DOC2B: variants seen among roughly 807,000 people sequenced by gnomAD.
The protein encoded by DOC2B is double C2 domain beta.
A neutral mutation model predicts 28.9 loss-of-function variants in DOC2B; 21 were observed. The ratio of observed to expected loss-of-function variants is 0.73; its 90% confidence interval spans 0.52 to 1.05. DOC2B has a LOEUF of 1.05. Among genes scored for constraint, DOC2B ranks in the 50% least tolerant of loss-of-function variants. DOC2B has a pLI of 0.00. For synonymous variants in DOC2B, 194 were observed against 178.1 expected (o/e 1.09, Z -0.71); for missense variants, 384 against 421.1 (o/e 0.91, Z 0.77).
intron 6 of DOC2B, among the ~76,000 whole-genome samples, chr17:149,899 G>A (rs1405932902): frequency 6.6e-6 from 1 of 152,218 alleles, no homozygotes. Context: ...GTAGCCTTTA[G>A]TAGACTCCCA....
rs148913019 is a variant in DOC2B at position 179,129 on chromosome 17, C to T, written c.373+1978G>A. ...CCGTCCTCCTTAGCTCCTCTGAGCC[C>T]GTCTTCAGCATTTCTTTGGCATGTC... On this transcript the variant is annotated intron_variant, in intron 1 of 8. Coordinates refer to ENST00000613549, the MANE Select transcript of DOC2B (RefSeq NM_003585.5). Among the ~76,000 whole-genome samples the T allele has an allele frequency of 2.6e-3, 402 of 152,334 alleles. 1 individual carries two copies. The highest frequency in any genetic ancestry group is 8.9e-3 in the African/African-American group (369 of 41,574).
Position 181,312 on chromosome 17 carries a change from C to A in DOC2B, c.168G>T (p.Pro56=). 1 of 1,174,344 alleles carries A rather than the reference C, an allele frequency of 8.5e-7. No homozygotes were observed. Among genetic ancestry groups the A allele is most frequent in the Non-Finnish European group, 1.1e-6 (1 of 951,704 alleles). 72.7% of individuals were successfully genotyped at this position (1,174,344 alleles called of 1,614,324 possible). A position where few individuals can be genotyped will look rare whatever the true frequency, so the allele number is the denominator to read the frequency against. Residue 56 remains proline (P), a synonymous_variant, in exon 1 of 9, where the codon CCG becomes CCT. Transcript: ENST00000613549. This position sits in a 1 kb window ranked among gnomAD's most constrained non-coding sequence, Gnocchi z 7.0. Reference sequence around the variant, plus strand: ...CCACAGCCGGGCGCGCGGGGGCGTCCGGGGGTGCAGCGGCTCGGGGCCCGG... The same window carrying A: ...CCACAGCCGGGCGCGCGGGGGCGTCAGGGGGTGCAGCGGCTCGGGGCCCGG... ...PDAGPRAAAP[P]DAPARPAVAG...
At chr17:150,190 G>A (rs2040057050) in intron 6 of DOC2B, among the ~76,000 whole-genome samples, 2 of 152,172 alleles carry the variant, frequency 1.3e-5, no homozygotes, top group African/African-American at 4.8e-5. Flanking sequence ...GGGACAAGAG[G>A]TCCCCAACTT....
intron 6 of DOC2B, among the ~76,000 whole-genome samples, chr17:152,281 G>A (rs138134547): frequency 3.9e-5 from 6 of 152,326 alleles, no homozygotes; most frequent in Admixed American, 6.5e-5. Flanking sequence ...AGGAGCGACC[G>A]CACAGGCTGC....
At chr17:173,161 C>T (rs1167957189) in intron 1 of DOC2B, among the ~76,000 whole-genome samples, 1 of 152,210 alleles carries the variant, frequency 6.6e-6, no homozygotes, top group East Asian at 1.9e-4. Flanking sequence ...CAGCTGGGTC[C>T]TCATACTGCT....
chr17:143,729 G>A lies in DOC2B; in HGVS notation c.*3712C>T, dbSNP rs1458236276. On this transcript the variant is annotated 3_prime_UTR_variant, in exon 9 of 9. Transcript: ENST00000613549. ...CGTTTCCATTTACTTTGGATTATAT[G>A]TCATTATAAATATTAACAAATAAGA... is the stretch of plus-strand genomic sequence containing the variant. 6.6e-6 allele frequency: 1 copy of A among 151,804 alleles called. No individual in the cohort carries two copies. The highest frequency in any genetic ancestry group is 2.4e-5 in the African/African-American group (1 of 41,300). The allele number at this position is 151,804 out of a possible 1,614,324, so 9.4% of individuals were successfully genotyped here.
At chr17:174,935 A>G (rs1385458961) in intron 1 of DOC2B, among the ~76,000 whole-genome samples, 3 of 152,220 alleles carry the variant, frequency 2.0e-5, no homozygotes, top group Admixed American at 2.0e-4. Context: ...CCTGGCCAAC[A>G]TGGCAACAAA....
Position 143,174 on chromosome 17 carries a change from T to C in DOC2B, c.*4267A>G, listed in dbSNP as rs2039996049. 1 of 152,150 alleles carries C rather than the reference T, an allele frequency of 6.6e-6. No homozygotes were observed. Among genetic ancestry groups the C allele is most frequent in the Non-Finnish European group, 1.5e-5 (1 of 68,026 alleles). 9.4% of individuals were successfully genotyped at this position (152,150 alleles called of 1,614,324 possible). ...GCCATCGACCAGCCGTGTGATTCTGTAAAAGTATTTTAACCTCTCTGGGCC... is the reference window on the plus strand; with the variant it reads ...GCCATCGACCAGCCGTGTGATTCTGCAAAAGTATTTTAACCTCTCTGGGCC... On this transcript the variant is annotated 3_prime_UTR_variant, in exon 9 of 9. Transcript: ENST00000613549.
At chr17:165,974 G>A (rs534264345) in intron 2 of DOC2B, among the ~76,000 whole-genome samples, 5 of 152,308 alleles carry the variant, frequency 3.3e-5, no homozygotes, top group African/African-American at 1.2e-4. Flanking sequence ...ATGTTCTGGC[G>A]TATGTCTTTC....
chr17:172,636 C>G lies in DOC2B; in HGVS notation c.374-20G>C. 6.5e-7 allele frequency: 1 copy of G among 1,543,898 alleles called. No homozygotes were observed. Among genetic ancestry groups the G allele is most frequent in the Non-Finnish European group, 8.8e-7 (1 of 1,142,154 alleles). On this transcript the variant is annotated intron_variant, in intron 1 of 8. Coordinates refer to ENST00000613549, the MANE Select transcript of DOC2B (RefSeq NM_003585.5). ...GGGCAGCTGCGGACAGAGGAGGGCA[C>G]AGGTCCCACCCTGGCCGCATCTTGG...
At chr17:159,082 A>G (rs2040170182) in intron 5 of DOC2B, among the ~76,000 whole-genome samples, 1 of 149,976 alleles carries the variant, frequency 6.7e-6, no homozygotes, top group African/African-American at 2.4e-5. Context: ...GCATATTTTT[A>G]GCTCTTTTTT....
At chr17:161,668 A>T in intron 4 of DOC2B, 127 bp from the exon 5 acceptor site, 7 of 1,458,922 alleles carry the variant, frequency 4.8e-6, no homozygotes, top group Non-Finnish European at 6.4e-6. Flanking sequence ...GGGGTGGGAG[A>T]CGCACAAGAT....
chr17:149,855 C>A (rs1866166288), intron 6 of DOC2B, among the ~76,000 whole-genome samples: 1 of 152,188 alleles, frequency 6.6e-6, no homozygotes, highest in South Asian at 2.1e-4. Context: ...AATTCACATA[C>A]CATAAAATCC....
Position 149,131 on chromosome 17 carries a change from G to C in DOC2B, c.985C>G (p.Leu329Val). ...CATACCTCATTAAACTCCGGGTTCA[G>C]GGTTTTTTTCTTCACCGCTGTCTTA... is the stretch of plus-strand genomic sequence containing the variant. ...KHKTAVKKKTLNPEFNEEFCY... is the reference protein window; with the variant it reads ...KHKTAVKKKTVNPEFNEEFCY... Residue 329 changes from leucine to valine, a missense_variant, in exon 7 of 9, where the codon CTG (leucine) becomes GTG (valine). Leu to Val is a conservative substitution (Grantham distance 32). Transcript: ENST00000613549. The C allele has an allele frequency of 2.5e-6, 1 of 399,666 alleles. No homozygotes were observed. The highest frequency in any genetic ancestry group is 4.4e-6 in the Non-Finnish European group (1 of 226,236). The allele number at this position is 399,666 out of a possible 1,614,324, so 24.8% of individuals were successfully genotyped here. A position where few individuals can be genotyped will look rare whatever the true frequency, so the allele number is the denominator to read the frequency against.
rs1206147827 is a variant in DOC2B at position 144,055 on chromosome 17, C to G, written c.*3386G>C. 1.1e-5 allele frequency: 1 copy of G among 88,426 alleles called. No individual in the cohort carries two copies. The highest frequency in any genetic ancestry group is 2.1e-5 in the Non-Finnish European group (1 of 47,342). The allele number at this position is 88,426 out of a possible 1,614,324, so 5.5% of individuals were successfully genotyped here. A position where few individuals can be genotyped will look rare whatever the true frequency, so the allele number is the denominator to read the frequency against. On this transcript the variant is annotated 3_prime_UTR_variant, in exon 9 of 9. Transcript: ENST00000613549. ...CTTCGGGGCTGGAAGACGGGCCCGT[C>G]GGGGATTGGCGCAGGCGGCGGGCGG...
Position 181,243 on chromosome 17 carries a change from G to A in DOC2B, c.237C>T (p.Asp79=). ...RRSPSDGARE[D]DEDVDQLFGA... ...CGAAGAGCTGGTCCACATCCTCGTCGTCCTCGCGGGCGCCGTCGGAGGGGC... is the reference window on the plus strand; with the variant it reads ...CGAAGAGCTGGTCCACATCCTCGTCATCCTCGCGGGCGCCGTCGGAGGGGC... The change falls in exon 1 of 9, where the codon GAC becomes GAT. Residue 79 remains aspartate, a synonymous_variant. Coordinates refer to ENST00000613549, the MANE Select transcript of DOC2B (RefSeq NM_003585.5). This position sits in a 1 kb window ranked among gnomAD's most constrained non-coding sequence, Gnocchi z 7.0. 5 of 1,214,806 alleles carry A rather than the reference G, an allele frequency of 4.1e-6. No individual in the cohort carries two copies. The highest frequency in any genetic ancestry group is 5.1e-6 in the Non-Finnish European group (5 of 977,242). The allele number at this position is 1,214,806 out of a possible 1,614,324, so 75.3% of individuals were successfully genotyped here. A position where few individuals can be genotyped will look rare whatever the true frequency, so the allele number is the denominator to read the frequency against.
At chr17:177,989 G>A (rs2040390158) in intron 1 of DOC2B, among the ~76,000 whole-genome samples, 9 of 152,246 alleles carry the variant, frequency 5.9e-5, no homozygotes. Flanking sequence ...GAGACAAAAG[G>A]ACAGGTCTCC....
At chr17:175,980 T>C (rs2040365344) in intron 1 of DOC2B, among the ~76,000 whole-genome samples, 1 of 152,134 alleles carries the variant, frequency 6.6e-6, no homozygotes, top group South Asian at 2.1e-4. Context: ...CTGTAAGAAA[T>C]GATAGTTTAT....
chr17:148,982 G>T, intron 7 of DOC2B, 129 bp downstream of exon 7: 2 of 386,640 alleles, frequency 5.2e-6, no homozygotes, highest in South Asian at 1.3e-4. Flanking sequence ...TCTGTGGCTT[G>T]GTGCGGCCCC....
Sources: gnomAD v4.1 joint callset for allele counts (sites outside exome capture counted in the v4.1 genomes callset) on GRCh38, gnomAD v4.1.1 for gene constraint, Gnocchi (gnomAD v3.1) non-coding constraint, MANE v1.5 for transcripts, NCBI Gene and HGNC (gene_info 2026-07-23, HGNC 2026-07-21) for gene names.